ZSCAN25: variants seen among roughly 807,000 people sequenced by gnomAD.
ZSCAN25 encodes zinc finger and SCAN domain-containing protein 25.
ZSCAN25 carries 27 observed loss-of-function variants against 38.7 expected under a neutral mutation model. The observed-to-expected ratio is 0.70, with a 90% CI of 0.51 to 0.96. ZSCAN25 has a LOEUF of 0.96. Among genes scored for constraint, ZSCAN25 ranks in the 40% least tolerant of loss-of-function variants. The probability of loss-of-function intolerance (pLI) is 0.00; values close to 1 mark genes in which losing one functional copy is unlikely to be tolerated. For synonymous variants in ZSCAN25, 273 were observed against 277.7 expected (o/e 0.98, Z 0.17); for missense variants, 637 against 705.9 (o/e 0.90, Z 1.11).
At chr7:99,641,498 C>T in the ZSCAN25 span, among the ~76,000 whole-genome samples, 1 of 152,148 alleles carries the variant, frequency 6.6e-6, no homozygotes, top group African/African-American at 2.4e-5. Context: ...TCCTTGACTC[C>T]TACCTCCAGG....
At chr7:99,699,116 A>G in the ZSCAN25 span, among the ~76,000 whole-genome samples, 4 of 152,182 alleles carry the variant, frequency 2.6e-5, no homozygotes, top group Admixed American at 2.6e-4. Context: ...AGGGGAAAAA[A>G]TGTGTAAAAT....
At chr7:99,731,934 A>G in the ZSCAN25 span, among the ~76,000 whole-genome samples, 1 of 152,166 alleles carries the variant, frequency 6.6e-6, no homozygotes, top group Non-Finnish European at 1.5e-5. Flanking sequence ...AAGAATCACA[A>G]CTAAGAACAA....
chr7:99,652,782 G>A, the ZSCAN25 span: 1 of 1,610,130 alleles, frequency 6.2e-7, no homozygotes, highest in East Asian at 2.2e-5. Flanking sequence ...GGTGGTGCCT[G>A]GAAGGAAAGA....
rs530040500 is a variant in ZSCAN25 at position 99,620,097 on chromosome 7, C to T, written c.387+104C>T. The T allele has an allele frequency of 1.3e-5, 18 of 1,422,446 alleles. No homozygotes were observed. In the African/African-American group the frequency reaches 1.4e-4, roughly 11 times the overall value. 88.1% of individuals were successfully genotyped at this position (1,422,446 alleles called of 1,614,324 possible). A position where few individuals can be genotyped will look rare whatever the true frequency, so the allele number is the denominator to read the frequency against. ...AGTAGGAGTGGACGAGGTGTGGAGC[C>T]GCCCTCCTCTGCCCTCAGACTCCCT... On this transcript the variant is annotated intron_variant, in intron 4 of 7. Coordinates refer to ENST00000394152, the MANE Select transcript of ZSCAN25 (RefSeq NM_145115.3).
the ZSCAN25 span, chr7:99,715,906 G>A: frequency 3.1e-6 from 5 of 1,613,616 alleles, no homozygotes; most frequent in East Asian, 2.2e-5. Flanking sequence ...CCCCAAAGAC[G>A]CTGAGTGGAG....
chr7:99,664,033 T>C, the ZSCAN25 span: 3 of 1,601,472 alleles, frequency 1.9e-6, no homozygotes, highest in Non-Finnish European at 2.5e-6. Context: ...AAATTTATGG[T>C]ATCTTTTGGA....
At chr7:99,732,865 G>C in the ZSCAN25 span, among the ~76,000 whole-genome samples, 1 of 152,100 alleles carries the variant, frequency 6.6e-6, no homozygotes. Context: ...GCAAAAGATG[G>C]AGTATTCCAC....
chr7:99,686,557 T>C, the ZSCAN25 span, among the ~76,000 whole-genome samples: 1 of 152,320 alleles, frequency 6.6e-6, no homozygotes, highest in East Asian at 1.9e-4. Flanking sequence ...CCTGCCTGCC[T>C]CTTTAGGCTC....
chr7:99,732,951 C>T, the ZSCAN25 span, among the ~76,000 whole-genome samples: 1 of 152,150 alleles, frequency 6.6e-6, no homozygotes, highest in Non-Finnish European at 1.5e-5. Flanking sequence ...GCCATTAAGG[C>T]AGTATAGGTT....
the ZSCAN25 span, among the ~76,000 whole-genome samples, chr7:99,719,202 A>G: frequency 1 from 151,922 of 152,306 alleles, 75,770 homozygotes; most frequent in East Asian, 1. Flanking sequence ...AAACAAATCT[A>G]AAAAAATACA....
At chr7:99,680,317 C>T in the ZSCAN25 span, among the ~76,000 whole-genome samples, 1 of 152,200 alleles carries the variant, frequency 6.6e-6, no homozygotes. Flanking sequence ...GAAATTCCCT[C>T]TGCCTGGAGT....
the ZSCAN25 span, chr7:99,695,912 T>C: frequency 7.6e-7 from 1 of 1,309,956 alleles, no homozygotes; most frequent in Non-Finnish European, 1.1e-6. Context: ...AGTCACTGAC[T>C]GAGGAACTGG....
At chr7:99,710,238 A>G in the ZSCAN25 span, among the ~76,000 whole-genome samples, 1 of 152,192 alleles carries the variant, frequency 6.6e-6, no homozygotes, top group African/African-American at 2.4e-5. Flanking sequence ...ATAGAGTTTA[A>G]GAGTTTAGCT....
At chr7:99,717,689 C>T in the ZSCAN25 span, 1 of 1,601,408 alleles carries the variant, frequency 6.2e-7, no homozygotes, top group East Asian at 2.3e-5. Context: ...GTGGAGGTCT[C>T]CATGGTTGTA....
At chr7:99,632,989 G>GTTGTTGTTTTTTTTTTTTTTTTTTTT (rs1554412109), downstream of ZSCAN25, among the ~76,000 whole-genome samples, 9 of 128,558 alleles carry the variant, frequency 7.0e-5, no homozygotes, top group African/African-American at 2.7e-4. Context: ...ATTTTCTGTT[G>GTTGTTGTTTTTTTTTTTTTTTTTTTT]TTTTTTTTTT....
At chr7:99,650,356 T>C in the ZSCAN25 span, 1 of 852,018 alleles carries the variant, frequency 1.2e-6, no homozygotes, top group East Asian at 2.5e-5. Context: ...AGGATACTTT[T>C]GTGGGCTGGT....
intron 7 of ZSCAN25, chr7:99,624,425 C>A (rs935616728): frequency 3.8e-6 from 2 of 521,446 alleles, no homozygotes; most frequent in East Asian, 6.5e-5. Context: ...GTCATGAGGA[C>A]CCCCAAACAC....
At chr7:99,687,837 A>C in the ZSCAN25 span, among the ~76,000 whole-genome samples, 1 of 152,230 alleles carries the variant, frequency 6.6e-6, no homozygotes, top group Admixed American at 6.5e-5. Context: ...CAGAAACTCT[A>C]CAAGGCAGAA....
the ZSCAN25 span, chr7:99,705,432 T>C: frequency 1.3e-6 from 2 of 1,541,100 alleles, no homozygotes; most frequent in Non-Finnish European, 1.8e-6. Context: ...ATTTGTAAAG[T>C]AATTTGAGGT....
Sources: gnomAD v4.1 joint callset for allele counts (sites outside exome capture counted in the v4.1 genomes callset) on GRCh38, gnomAD v4.1.1 for gene constraint, MANE v1.5 for transcripts, NCBI Gene and HGNC (gene_info 2026-07-23, HGNC 2026-07-21) for gene names.